Variants in CNTNAP5 observed in about 807,000 individuals in gnomAD.
CNTNAP5 encodes the protein contactin associated protein family member 5, also known as contactin-associated protein-like 5.
Under a neutral mutation model 150.2 loss-of-function variants are expected in CNTNAP5, and 72 were observed. That is an observed-to-expected ratio of 0.48 (90% CI 0.40 to 0.58). The LOEUF (loss-of-function observed/expected upper bound fraction) is 0.58. Ranked by LOEUF, CNTNAP5 falls within the 20% of genes least tolerant of loss-of-function variation. The pLI is 0.00. For missense variants in CNTNAP5, 1,636 were observed against 1,626.2 expected, an observed-to-expected ratio of 1.01 and a Z score of -0.10; for synonymous variants, 672 against 619.8, an observed-to-expected ratio of 1.08 and a Z score of -1.25.
intron 1 of CNTNAP5, among the ~76,000 whole-genome samples, chr2:124,059,696 G>A (rs1681952464): frequency 6.6e-6 from 1 of 151,948 alleles, no homozygotes; most frequent in African/African-American, 2.4e-5. Flanking sequence ...GGACACTCCT[G>A]CCATTTCCCT....
chr2:124,556,833 G>A (rs748721070), intron 10 of CNTNAP5, among the ~76,000 whole-genome samples: 1 of 152,070 alleles, frequency 6.6e-6, no homozygotes, highest in Non-Finnish European at 1.5e-5. Flanking sequence ...TGAAGCAGGT[G>A]GTGGGGGCAG....
chr2:124,782,482 C>T (rs1458585421), intron 17 of CNTNAP5, among the ~76,000 whole-genome samples: 3 of 152,140 alleles, frequency 2.0e-5, no homozygotes, highest in Non-Finnish European at 2.9e-5. Context: ...CTAGCTTGAA[C>T]CCAGTATAGG....
intron 10 of CNTNAP5, among the ~76,000 whole-genome samples, chr2:124,558,013 A>C (rs1425449500): frequency 1.3e-5 from 2 of 152,132 alleles, no homozygotes; most frequent in African/African-American, 2.4e-5. Flanking sequence ...AGATCATTTT[A>C]AGGATGTTGC....
chr2:124,524,030 G>C (rs972547615), intron 8 of CNTNAP5, among the ~76,000 whole-genome samples: 1 of 151,520 alleles, frequency 6.6e-6, no homozygotes, highest in Non-Finnish European at 1.5e-5. Flanking sequence ...TGGTTGTGGT[G>C]TGTACAACAT....
chr2:124,292,555 T>G (rs1015199221), intron 3 of CNTNAP5, among the ~76,000 whole-genome samples: 3 of 152,102 alleles, frequency 2.0e-5, no homozygotes, highest in Admixed American at 6.6e-5. Flanking sequence ...CAGAAAGAAA[T>G]AAAATTGAGA....
chr2:124,095,818 G>A (rs1325355759), intron 1 of CNTNAP5, among the ~76,000 whole-genome samples: 3 of 151,614 alleles, frequency 2.0e-5, no homozygotes, highest in Non-Finnish European at 4.4e-5. Context: ...AACATTTATT[G>A]AATGCACAAT....
intron 12 of CNTNAP5, among the ~76,000 whole-genome samples, chr2:124,639,302 C>T (rs1678041207): frequency 1.3e-5 from 2 of 152,170 alleles, no homozygotes; most frequent in Non-Finnish European, 2.9e-5. Flanking sequence ...ATCACACAAT[C>T]TCATTCATCT....
intron 19 of CNTNAP5, among the ~76,000 whole-genome samples, chr2:124,815,226 A>C (rs899825870): frequency 6.6e-6 from 1 of 152,252 alleles, no homozygotes; most frequent in Non-Finnish European, 1.5e-5. Context: ...ATGAATTAGC[A>C]CATAGCCAAA....
At chr2:124,478,244 T>A (rs1216533078) in intron 7 of CNTNAP5, among the ~76,000 whole-genome samples, 1 of 152,146 alleles carries the variant, frequency 6.6e-6, no homozygotes, top group Non-Finnish European at 1.5e-5. Flanking sequence ...TGTGGTGACT[T>A]TTAAACTACT....
chr2:124,470,944 G>T (rs1433871938), intron 6 of CNTNAP5, among the ~76,000 whole-genome samples: 1 of 151,908 alleles, frequency 6.6e-6, no homozygotes, highest in Non-Finnish European at 1.5e-5. Context: ...CTGTTCTTAT[G>T]CCAGTACCAT....
chr2:124,491,699 T>A (rs1035934008), intron 7 of CNTNAP5, among the ~76,000 whole-genome samples: 1 of 152,094 alleles, frequency 6.6e-6, no homozygotes, highest in Non-Finnish European at 1.5e-5. Flanking sequence ...CAATTTACAT[T>A]ACTACCAATT....
intron 20 of CNTNAP5, among the ~76,000 whole-genome samples, chr2:124,866,501 G>T (rs959526679): frequency 6.6e-6 from 1 of 152,112 alleles, no homozygotes; most frequent in Non-Finnish European, 1.5e-5. Flanking sequence ...GATCCCACCT[G>T]GGCATCAGTA....
At chr2:124,069,101 G>A (rs1254830227) in intron 1 of CNTNAP5, among the ~76,000 whole-genome samples, 2 of 152,042 alleles carry the variant, frequency 1.3e-5, no homozygotes, top group Non-Finnish European at 2.9e-5. Flanking sequence ...GAGCCAGAGG[G>A]GAGCCCATTG....
intron 1 of CNTNAP5, among the ~76,000 whole-genome samples, chr2:124,045,822 C>A (rs948405301): frequency 3.7e-4 from 56 of 152,206 alleles, no homozygotes; most frequent in Admixed American, 3.3e-3. Flanking sequence ...CTCCACTTCC[C>A]CCTTGGCAGG....
At chr2:124,200,569 A>C (rs1436427665) in intron 1 of CNTNAP5, among the ~76,000 whole-genome samples, 1 of 152,198 alleles carries the variant, frequency 6.6e-6, no homozygotes, top group Non-Finnish European at 1.5e-5. Context: ...TCTTTTAACA[A>C]ATTTTTAAAT....
chr2:124,187,626 T>C (rs1054447932), intron 1 of CNTNAP5, among the ~76,000 whole-genome samples: 2 of 152,164 alleles, frequency 1.3e-5, no homozygotes, highest in Non-Finnish European at 2.9e-5. Flanking sequence ...AACAAGGTGG[T>C]GAGTTGCCCA....
At chr2:124,530,026 T>C (rs185730382) in intron 10 of CNTNAP5, among the ~76,000 whole-genome samples, 4 of 152,202 alleles carry the variant, frequency 2.6e-5, no homozygotes, top group African/African-American at 7.2e-5. Context: ...TAAAGTAGAA[T>C]TCTGGCCGGG....
intron 19 of CNTNAP5, among the ~76,000 whole-genome samples, chr2:124,807,954 A>G (rs1682116043): frequency 6.6e-6 from 1 of 152,220 alleles, no homozygotes; most frequent in Non-Finnish European, 1.5e-5. Flanking sequence ...CCTGATATTT[A>G]GCAATTTGTA....
intron 1 of CNTNAP5, among the ~76,000 whole-genome samples, chr2:124,048,698 T>G (rs1306957804): frequency 6.6e-6 from 1 of 152,204 alleles, no homozygotes; most frequent in Non-Finnish European, 1.5e-5. Context: ...CAGTCTTTTA[T>G]TCCCCCTTTA....
Sources: allele counts gnomAD v4.1 joint callset (sites outside exome capture counted in the v4.1 genomes callset), GRCh38; gene constraint gnomAD v4.1.1; transcripts MANE v1.5; gene names NCBI Gene and HGNC (gene_info 2026-07-23, HGNC 2026-07-21).